VPS8: variants seen among roughly 807,000 people sequenced by gnomAD.
VPS8 encodes the protein vacuolar protein sorting-associated protein 8 homolog.
In VPS8, 129 loss-of-function variants were observed where a neutral mutation model predicts 216.4. The observed-to-expected ratio is 0.60, with a 90% CI of 0.52 to 0.69. The LOEUF (loss-of-function observed/expected upper bound fraction) is 0.69. VPS8 is among the 30% of genes least tolerant of loss of function. The pLI is 0.00. For synonymous variants in VPS8, 571 were observed against 565.4 expected (o/e 1.01, Z -0.14); for missense variants, 1,531 against 1,683.5 (o/e 0.91, Z 1.59).
chr3:184,837,982 T>C (rs1035089758), intron 5 of VPS8, among the ~76,000 whole-genome samples: 6 of 152,350 alleles, frequency 3.9e-5, no homozygotes, highest in Admixed American at 1.3e-4. Flanking sequence ...GCTGCTACAG[T>C]ACTGTATCAC....
intron 40 of VPS8, among the ~76,000 whole-genome samples, chr3:184,981,295 G>A (rs748914004): frequency 6.6e-6 from 1 of 152,168 alleles, no homozygotes; most frequent in South Asian, 2.1e-4. Context: ...CCTTGTGTGT[G>A]TGTGCCAGCA....
intron 45 of VPS8, among the ~76,000 whole-genome samples, chr3:185,019,530 AT>A (rs1756338323): frequency 6.6e-6 from 1 of 152,194 alleles, no homozygotes; most frequent in South Asian, 2.1e-4. Flanking sequence ...AAATAAAGGG[AT>A]GGGCCGAAAT....
At chr3:184,915,497 G>A in intron 28 of VPS8, 23 bp downstream of exon 28, 1 of 1,608,484 alleles carries the variant, frequency 6.2e-7, no homozygotes, top group Non-Finnish European at 8.5e-7. Context: ...ATTATTTTAA[G>A]GTGTTTTCAA....
chr3:184,982,489 G>T, intron 40 of VPS8, 77 bp from the exon 41 acceptor site: 1 of 1,016,344 alleles, frequency 9.8e-7, no homozygotes, highest in Non-Finnish European at 1.5e-6. Context: ...ACATCATGCT[G>T]ATGTTAGTTA....
At chr3:184,844,631 A>G (rs528948076) in intron 8 of VPS8, among the ~76,000 whole-genome samples, 13 of 152,212 alleles carry the variant, frequency 8.5e-5, no homozygotes, top group African/African-American at 2.9e-4. Flanking sequence ...TCAAATTTAG[A>G]TTTTAGGGCT....
chr3:184,953,156 G>A (rs1330959562), intron 36 of VPS8, among the ~76,000 whole-genome samples: 1 of 152,178 alleles, frequency 6.6e-6, no homozygotes, highest in Non-Finnish European at 1.5e-5. Context: ...ATTGAGGTTT[G>A]CAGTGAGAGA....
At chr3:184,994,237 C>T (rs753211896) in intron 43 of VPS8, among the ~76,000 whole-genome samples, 174 bp downstream of exon 43, 3 of 152,052 alleles carry the variant, frequency 2.0e-5, no homozygotes, top group Non-Finnish European at 4.4e-5. Flanking sequence ...CATGGTAACT[C>T]ATACCTGTAA....
chr3:185,028,216 A>C (rs575323004), intron 46 of VPS8, among the ~76,000 whole-genome samples: 112 of 152,286 alleles, frequency 7.4e-4, no homozygotes, highest in African/African-American at 2.3e-3. Flanking sequence ...ACTTATTATC[A>C]TGCTGTTTAT....
At chr3:184,982,514 A>G in intron 40 of VPS8, 52 bp from the exon 41 acceptor site, 1 of 1,373,038 alleles carries the variant, frequency 7.3e-7, no homozygotes, top group East Asian at 2.3e-5. Flanking sequence ...TTTGTTTTTC[A>G]TTGTTTTCTT....
intron 29 of VPS8, chr3:184,922,482 A>G (rs888274106): frequency 2.2e-6 from 1 of 449,190 alleles, no homozygotes; most frequent in African/African-American, 2.0e-5. Flanking sequence ...TGTCAGATAA[A>G]TGTAAGTTGG....
chr3:184,920,147 T>C lies in VPS8; in HGVS notation c.2403T>C (p.Asn801=). 3 of 1,525,918 alleles carry C rather than the reference T, an allele frequency of 2.0e-6. No individual in the cohort carries two copies. The highest frequency in any genetic ancestry group is 2.6e-6 in the Non-Finnish European group (3 of 1,138,284). The allele number at this position is 1,525,918 out of a possible 1,614,324, so 94.5% of individuals were successfully genotyped here. The part of the protein sequence containing the change: ...VLALTFEDFK[N]DKQAVEYQQR... ...TTTAGACTTTTGAAGATTTTAAAAA[T>C]GACAAGCAAGCTGTGGAATATCAAC... Residue 801 remains asparagine, a synonymous_variant, in exon 29 of 48, where the codon AAT becomes AAC. Coordinates refer to ENST00000625842, the MANE Select transcript of VPS8 (RefSeq NM_001009921.3).
chr3:185,028,959 G>A (rs1215480074), intron 46 of VPS8, among the ~76,000 whole-genome samples: 1 of 152,060 alleles, frequency 6.6e-6, no homozygotes, highest in African/African-American at 2.4e-5. Flanking sequence ...GAAGTGAGGG[G>A]GAAAAGAAAT....
At chr3:185,037,178 T>C (rs1759038933) in intron 46 of VPS8, among the ~76,000 whole-genome samples, 1 of 152,000 alleles carries the variant, frequency 6.6e-6, no homozygotes, top group African/African-American at 2.4e-5. Context: ...ACAAATTCTC[T>C]CAGTTTTTGT....
intron 47 of VPS8, among the ~76,000 whole-genome samples, chr3:185,050,676 G>T (rs1257899603): frequency 1.3e-5 from 2 of 152,242 alleles, no homozygotes; most frequent in Non-Finnish European, 2.9e-5. Context: ...CTAGCAAAGT[G>T]CCTGTCATGG....
intron 16 of VPS8, among the ~76,000 whole-genome samples, chr3:184,863,498 A>C (rs999898450): frequency 5.9e-5 from 9 of 152,202 alleles, no homozygotes; most frequent in Admixed American, 5.9e-4. Context: ...TAAAGGCTTG[A>C]ACAGGTATGG....
rs373085953 is a variant in VPS8 at position 184,892,167 on chromosome 3, A to G, written c.1782-2536A>G. On this transcript the variant is annotated intron_variant, in intron 22 of 47. Coordinates refer to ENST00000625842, the MANE Select transcript of VPS8 (RefSeq NM_001009921.3). Reference sequence around the variant, plus strand: ...AGGAAACAAAGATAGCACCCTGGAGAATAGTGCCTAAATATAGAAAAAAAT... The same window carrying G: ...AGGAAACAAAGATAGCACCCTGGAGGATAGTGCCTAAATATAGAAAAAAAT... 5.3e-5 allele frequency among the ~76,000 whole-genome samples: 8 copies of G among 152,266 alleles called. No individual in the cohort carries two copies. In the East Asian group the frequency reaches 1.2e-3, roughly 22 times the overall value.
At chr3:185,002,336 C>A (rs1753528416) in intron 45 of VPS8, among the ~76,000 whole-genome samples, 1 of 152,022 alleles carries the variant, frequency 6.6e-6, no homozygotes, top group Non-Finnish European at 1.5e-5. Flanking sequence ...CATTGGTTGC[C>A]CTCTTCCTAT....
chr3:185,013,030 T>A (rs1190155048), intron 45 of VPS8, among the ~76,000 whole-genome samples: 1 of 151,832 alleles, frequency 6.6e-6, no homozygotes, highest in Non-Finnish European at 1.5e-5. Context: ...AATAAAGGGA[T>A]GGGTCTGGCT....
chr3:184,842,954 T>C (rs1287700503), intron 7 of VPS8, among the ~76,000 whole-genome samples: 8 of 152,074 alleles, frequency 5.3e-5, no homozygotes, highest in Non-Finnish European at 1.2e-4. Context: ...TTAGTGTACT[T>C]CAGTAGATTA....
Sources: gnomAD v4.1 joint callset for allele counts (sites outside exome capture counted in the v4.1 genomes callset) on GRCh38, gnomAD v4.1.1 for gene constraint, MANE v1.5 for transcripts, NCBI Gene and HGNC (gene_info 2026-07-23, HGNC 2026-07-21) for gene names.